The following NFKB2 variants were observed in gnomAD, a reference collection of about 807,000 sequenced individuals.
NFKB2 encodes the protein nuclear factor NF-kappa-B p100 subunit.
A neutral mutation model predicts 109.3 loss-of-function variants in NFKB2; 21 were observed. That is an observed-to-expected ratio of 0.19 (90% CI 0.14 to 0.28). NFKB2 has a LOEUF of 0.28. Among genes scored for constraint, NFKB2 ranks in the 10% least tolerant of loss-of-function variants. NFKB2 has a pLI of 1.00. For synonymous variants in NFKB2, 478 were observed against 489.9 expected, an observed-to-expected ratio of 0.98 and a Z score of 0.32; for missense variants, 806 against 1,185.3, an observed-to-expected ratio of 0.68 and a Z score of 4.70.
Position 102,398,088 on chromosome 10 carries a change from G to A in NFKB2, c.766+3G>A, listed in dbSNP as rs776845316. The A allele has an allele frequency of 2.5e-6, 4 of 1,614,026 alleles. No homozygotes were observed. The highest frequency in any genetic ancestry group is 1.7e-6 in the Non-Finnish European group (2 of 1,179,984). ...GCTTTGTGACAAGGTGCAGAAAGGT[G>A]AGACTGGAGCCCACTTTGGGCACCA... is the stretch of plus-strand genomic sequence containing the variant. On this transcript the variant is annotated splice_donor_region_variant and intron_variant, in intron 9 of 22. Coordinates refer to ENST00000661543, the MANE Select transcript of NFKB2 (RefSeq NM_001322934.2). This position sits in a 1 kb window ranked among gnomAD's most constrained non-coding sequence, Gnocchi z 6.6.
rs1038703449 is a variant in NFKB2, at chr10:102,399,403, G to C, written c.1233G>C (p.Val411=). The change falls in exon 13 of 23, where the codon GTG becomes GTC. Residue 411 remains valine (V), a synonymous_variant. Transcript: ENST00000661543. ...GGGGAQMAAT[V]PSRDSGEEAA... is the part of the protein sequence containing the mutation. ...GCGGGGCGCAGATGGCCGCCACGGT[G>C]CCCAGCAGGGACTCCGGGGAGGAAG... The C allele has an allele frequency of 3.9e-6, 6 of 1,538,052 alleles. No homozygotes were observed. The African/African-American group carries it at 8.3e-5, about 21-fold the overall frequency.
Position 102,400,547 on chromosome 10 carries a change from T to C in NFKB2, c.1798+56T>C. On this transcript the variant is annotated intron_variant, in intron 16 of 22. Coordinates refer to ENST00000661543, the MANE Select transcript of NFKB2 (RefSeq NM_001322934.2). This position sits in a 1 kb window ranked among gnomAD's most constrained non-coding sequence, Gnocchi z 6.3. Reference sequence around the variant, plus strand: ...GCAGGCGGGGACCAGGGAGGGTATCTGGCCAGTGCCCAGAATGGACTATGA... The same window carrying C: ...GCAGGCGGGGACCAGGGAGGGTATCCGGCCAGTGCCCAGAATGGACTATGA... 2 of 1,589,436 alleles carry C rather than the reference T, an allele frequency of 1.3e-6. No homozygotes were observed. The highest frequency in any genetic ancestry group is 8.6e-7 in the Non-Finnish European group (1 of 1,166,760).
chr10:102,397,320 C>T lies in NFKB2; in HGVS notation c.414C>T (p.Val138=). The T allele has an allele frequency of 6.2e-7, 1 of 1,614,152 alleles. No homozygotes were observed. Among genetic ancestry groups the T allele is most frequent in the Non-Finnish European group, 8.5e-7 (1 of 1,180,000 alleles). ...TTCTCAGATTTAACAACCTGGGTGT[C>T]CTGCATGTGACTAAGAAGAACATGA... The part of the protein sequence containing the change: ...DMTAQFNNLG[V]LHVTKKNMMG... Residue 138 remains valine (V), a synonymous_variant, in exon 7 of 23, where the codon GTC becomes GTT. Coordinates refer to ENST00000661543, the MANE Select transcript of NFKB2 (RefSeq NM_001322934.2). The surrounding 1 kb of genome is among the most constrained non-coding windows in gnomAD (Gnocchi z 4.7).
rs1252213595 is a variant in NFKB2 at position 102,401,781 on chromosome 10, A to C, written c.2330A>C (p.Asn777Thr). The C allele has an allele frequency of 2.5e-6, 4 of 1,612,632 alleles. No individual in the cohort carries two copies. The highest frequency in any genetic ancestry group is 2.5e-6 in the Non-Finnish European group (3 of 1,179,374). Residue 777 changes from asparagine to threonine, a missense_variant, in exon 21 of 23, where the codon AAC (asparagine) becomes ACC (threonine). Transcript: ENST00000661543. The surrounding 1 kb of genome is among the most constrained non-coding windows in gnomAD (Gnocchi z 4.2). ...GLSLGDTALQ[N>T]LEQLLDGPEA... is the part of the protein sequence containing the mutation. ...TCACTTGGTGATACAGCTCTGCAGAACCTGGAGCAGCTGCTAGACGGGCCA... is the reference window on the plus strand; with the variant it reads ...TCACTTGGTGATACAGCTCTGCAGACCCTGGAGCAGCTGCTAGACGGGCCA...
In NFKB2 at chr10:102,401,983, TG is replaced by T; in HGVS notation, c.2467-63del. 1 of 1,587,424 alleles carries T rather than the reference TG, an allele frequency of 6.3e-7. No individual in the cohort carries two copies. The highest frequency in any genetic ancestry group is 8.6e-7 in the Non-Finnish European group (1 of 1,165,082). ...CCCGATCTGAGTCCAGGTGCCTCCT[TG>T]GCCCCAGGGCTCCCGAGCACATGCC... On this transcript the variant is annotated intron_variant, in intron 21 of 22. Coordinates refer to ENST00000661543, the MANE Select transcript of NFKB2 (RefSeq NM_001322934.2). The surrounding 1 kb of genome is among the most constrained non-coding windows in gnomAD (Gnocchi z 4.2).
In NFKB2 at chr10:102,397,566, T is replaced by C. The variant is rs1226883971; in HGVS notation, c.542T>C (p.Leu181Pro). ...GAGCTGGAGCAAGAGGCCAAAGAAC[T>C]GAAGAAGGTGATGGATCTGAGTATA... ...QRELEQEAKE[L>P]KKVMDLSIVR... Residue 181 changes from leucine (L) to proline (P), a missense_variant, in exon 8 of 23, where the codon CTG becomes CCG. By Grantham distance (98) the Leu-to-Pro change is moderately conservative. Transcript: ENST00000661543. The surrounding 1 kb of genome is among the most constrained non-coding windows in gnomAD (Gnocchi z 4.7). 2 of 1,613,880 alleles carry C rather than the reference T, an allele frequency of 1.2e-6. No individual in the cohort carries two copies. Among genetic ancestry groups the C allele is most frequent in the Non-Finnish European group, 1.7e-6 (2 of 1,179,792 alleles).
chr10:102,396,050 C>G lies in NFKB2; in HGVS notation c.21+70C>G. On this transcript the variant is annotated intron_variant, in intron 2 of 22. Coordinates refer to ENST00000661543, the MANE Select transcript of NFKB2 (RefSeq NM_001322934.2). The surrounding 1 kb of genome is among the most constrained non-coding windows in gnomAD (Gnocchi z 5.9). ...GTCTGTCCACCTGTCTGCCCGAGCC[C>G]CCTCTGCTGCCTTACACCTGTATGC... 1 of 1,594,060 alleles carries G rather than the reference C, an allele frequency of 6.3e-7. No homozygotes were observed. The highest frequency in any genetic ancestry group is 8.6e-7 in the Non-Finnish European group (1 of 1,165,874).
chr10:102,397,503 G>T lies in NFKB2; in HGVS notation c.503-24G>T. The T allele has an allele frequency of 6.2e-7, 1 of 1,610,408 alleles. No homozygotes were observed. The highest frequency in any genetic ancestry group is 8.5e-7 in the Non-Finnish European group (1 of 1,177,728). ...GGAGCAGGGAGGGAGAAGCCCAGGG[G>T]TCACACATGTACCTACTGCCCAGAG... is the stretch of plus-strand genomic sequence containing the variant. On this transcript the variant is annotated intron_variant, in intron 7 of 22. Coordinates refer to ENST00000661543, the MANE Select transcript of NFKB2 (RefSeq NM_001322934.2). This position sits in a 1 kb window ranked among gnomAD's most constrained non-coding sequence, Gnocchi z 4.7.
chr10:102,397,883 T>A lies in NFKB2; in HGVS notation c.662-98T>A. ...GTGTATATTGGGTGTTTCCTGCAGC[T>A]CCAGGGGTTGCTGAGATAAGGAATA... On this transcript the variant is annotated intron_variant, in intron 8 of 22. Coordinates refer to ENST00000661543, the MANE Select transcript of NFKB2 (RefSeq NM_001322934.2). The surrounding 1 kb of genome is among the most constrained non-coding windows in gnomAD (Gnocchi z 4.7). 1.5e-6 allele frequency: 2 copies of A among 1,353,732 alleles called. No individual in the cohort carries two copies. The highest frequency in any genetic ancestry group is 2.1e-6 in the Non-Finnish European group (2 of 954,920). 83.9% of individuals were successfully genotyped at this position (1,353,732 alleles called of 1,614,324 possible). A position where few individuals can be genotyped will look rare whatever the true frequency, so the allele number is the denominator to read the frequency against.
In NFKB2 at chr10:102,395,879, C is replaced by T; in HGVS notation, c.-72-9C>T. On this transcript the variant is annotated splice_polypyrimidine_tract_variant and intron_variant, in intron 1 of 22. Transcript: ENST00000661543. ...ACCCCCTCCCCCACGCCACTCCTCC[C>T]AACTTTAGGCGGGCGTCTAAAATTC... 1 of 1,532,984 alleles carries T rather than the reference C, an allele frequency of 6.5e-7. No individual in the cohort carries two copies. Among genetic ancestry groups the T allele is most frequent in the Non-Finnish European group, 9.0e-7 (1 of 1,115,306 alleles). The allele number at this position is 1,532,984 out of a possible 1,614,324, so 95.0% of individuals were successfully genotyped here.
chr10:102,398,528 A>G lies in NFKB2; in HGVS notation c.991+5A>G, dbSNP rs2061156558. ...CCTATTACCCTCTGGTGGAAGGTGGAGCTGGGCTGAGGACCTCAGGGTGCT... is the reference window on the plus strand; with the variant it reads ...CCTATTACCCTCTGGTGGAAGGTGGGGCTGGGCTGAGGACCTCAGGGTGCT... On this transcript the variant is annotated splice_donor_5th_base_variant and intron_variant, in intron 11 of 22. Transcript: ENST00000661543. The surrounding 1 kb of genome is among the most constrained non-coding windows in gnomAD (Gnocchi z 6.6). 1 of 1,613,244 alleles carries G rather than the reference A, an allele frequency of 6.2e-7. No individual in the cohort carries two copies. The highest frequency in any genetic ancestry group is 8.5e-7 in the Non-Finnish European group (1 of 1,179,464).
chr10:102,401,913 A>T lies in NFKB2; in HGVS notation c.2462A>T (p.Tyr821Phe). Residue 821 changes from tyrosine to phenylalanine, a missense_variant, in exon 21 of 23, where the codon TAC becomes TTC. By Grantham distance (22) the Tyr-to-Phe change is conservative. Around this residue, in one of 10 missense-constraint regions of NFKB2, gnomAD observed 211 missense variants for 268.7 expected, o/e 0.79. Transcript: ENST00000661543. The surrounding 1 kb of genome is among the most constrained non-coding windows in gnomAD (Gnocchi z 4.2). The stretch of plus-strand genomic sequence containing the variant: ...CCCAGTGGCAGCCTCCTGCGCAGCT[A>T]CGAGGTGGGTTGGCCTGTGCCCTGC... ...TSPSGSLLRS[Y>F]ELAGGDLAGL... 1 of 1,611,016 alleles carries T rather than the reference A, an allele frequency of 6.2e-7. No individual in the cohort carries two copies. The highest frequency in any genetic ancestry group is 8.5e-7 in the Non-Finnish European group (1 of 1,178,434).
upstream of NFKB2, among the ~76,000 whole-genome samples, chr10:102,395,256 G>A (rs2061083377): frequency 2.0e-5 from 3 of 152,174 alleles, no homozygotes; most frequent in South Asian, 6.2e-4. Context: ...CCAGAATCGC[G>A]TTCTCGGGGC....
Position 102,401,936 on chromosome 10 carries a change from TG to T in NFKB2, c.2466+20del, listed in dbSNP as rs2061263563. The T allele has an allele frequency of 1.2e-6, 2 of 1,604,056 alleles. No individual in the cohort carries two copies. Among genetic ancestry groups the T allele is most frequent in the Non-Finnish European group, 1.7e-6 (2 of 1,174,192 alleles). ...CTACGAGGTGGGTTGGCCTGTGCCC[TG>T]CCCCCTCCCCAGCCTCCTTTCCCGA... On this transcript the variant is annotated intron_variant, in intron 21 of 22. Coordinates refer to ENST00000661543, the MANE Select transcript of NFKB2 (RefSeq NM_001322934.2). This position sits in a 1 kb window ranked among gnomAD's most constrained non-coding sequence, Gnocchi z 4.2.
Position 102,398,939 on chromosome 10 carries a change from C to T in NFKB2, c.1117+75C>T, listed in dbSNP as rs2061166588. 1 of 1,484,640 alleles carries T rather than the reference C, an allele frequency of 6.7e-7. No homozygotes were observed. The highest frequency in any genetic ancestry group is 1.3e-5 in the South Asian group (1 of 78,816). 92.0% of individuals were successfully genotyped at this position (1,484,640 alleles called of 1,614,324 possible). ...GGAAAAAAATCTGGGGGAGGCCGGGCGTGGTGGCTCACGCCTGTAATCCAG... is the reference window on the plus strand; with the variant it reads ...GGAAAAAAATCTGGGGGAGGCCGGGTGTGGTGGCTCACGCCTGTAATCCAG... On this transcript the variant is annotated intron_variant, in intron 12 of 22. Transcript: ENST00000661543. This position sits in a 1 kb window ranked among gnomAD's most constrained non-coding sequence, Gnocchi z 6.6.
Position 102,400,642 on chromosome 10 carries a change from C to T in NFKB2, c.1799-13C>T, listed in dbSNP as rs918533916. 28 of 1,613,018 alleles carry T rather than the reference C, an allele frequency of 1.7e-5. No homozygotes were observed. The highest frequency in any genetic ancestry group is 1.6e-4 in the Middle Eastern group (1 of 6,082). ...AGGGTCACAGCTGCAGGTTGAGCATCCTGCATCCTTAGGACTGTATCCAGT... is the reference window on the plus strand; with the variant it reads ...AGGGTCACAGCTGCAGGTTGAGCATTCTGCATCCTTAGGACTGTATCCAGT... On this transcript the variant is annotated splice_polypyrimidine_tract_variant and intron_variant, in intron 16 of 22. Transcript: ENST00000661543. This position sits in a 1 kb window ranked among gnomAD's most constrained non-coding sequence, Gnocchi z 6.3.
chr10:102,397,172 C>G lies in NFKB2; in HGVS notation c.395+117C>G. The G allele has an allele frequency of 6.5e-7, 1 of 1,539,996 alleles. No individual in the cohort carries two copies. Among genetic ancestry groups the G allele is most frequent in the Non-Finnish European group, 8.8e-7 (1 of 1,130,334 alleles). The stretch of plus-strand genomic sequence containing the variant: ...GGGAAAGATGTAGGTTGGCCCCAAA[C>G]CCAAGGGCCTAAGTAGAAACTCCAA... On this transcript the variant is annotated intron_variant, in intron 6 of 22. Coordinates refer to ENST00000661543, the MANE Select transcript of NFKB2 (RefSeq NM_001322934.2). This position sits in a 1 kb window ranked among gnomAD's most constrained non-coding sequence, Gnocchi z 4.7.
In NFKB2 at chr10:102,397,798, T is replaced by C. The variant is rs2061143708; in HGVS notation, c.661+113T>C. 7.2e-7 allele frequency: 1 copy of C among 1,384,826 alleles called. No homozygotes were observed. The highest frequency in any genetic ancestry group is 1.0e-6 in the Non-Finnish European group (1 of 1,000,498). The allele number at this position is 1,384,826 out of a possible 1,614,324, so 85.8% of individuals were successfully genotyped here. A position where few individuals can be genotyped will look rare whatever the true frequency, so the allele number is the denominator to read the frequency against. On this transcript the variant is annotated intron_variant, in intron 8 of 22. Coordinates refer to ENST00000661543, the MANE Select transcript of NFKB2 (RefSeq NM_001322934.2). This position sits in a 1 kb window ranked among gnomAD's most constrained non-coding sequence, Gnocchi z 4.7. ...GGTTTCAGAACCTGGCCCTGCCACA[T>C]ATGAGCTGAGTGATCCTGAGCAAGT...
Position 102,396,238 on chromosome 10 carries a change from C to T in NFKB2, c.22-15C>T, listed in dbSNP as rs772741852. The T allele has an allele frequency of 6.3e-7, 1 of 1,598,318 alleles. No individual in the cohort carries two copies. The highest frequency in any genetic ancestry group is 1.3e-5 in the African/African-American group (1 of 74,686). On this transcript the variant is annotated splice_polypyrimidine_tract_variant and intron_variant, in intron 2 of 22. Coordinates refer to ENST00000661543, the MANE Select transcript of NFKB2 (RefSeq NM_001322934.2). This position sits in a 1 kb window ranked among gnomAD's most constrained non-coding sequence, Gnocchi z 5.9. ...CTGAGAGTCGGATGCCACCCCCAGT[C>T]TGTCTCCAAACCAGGGTCTGGATGG...
Sources: gnomAD v4.1 joint callset for allele counts (sites outside exome capture counted in the v4.1 genomes callset) on GRCh38, gnomAD v4.1.1 for gene constraint, gnomAD v4.1.1 regional missense constraint, Gnocchi (gnomAD v3.1) non-coding constraint, MANE v1.5 for transcripts, NCBI Gene and HGNC (gene_info 2026-07-23, HGNC 2026-07-21) for gene names.